The following C1QTNF4 variants were observed in gnomAD, a reference collection of about 807,000 sequenced individuals.
C1QTNF4 encodes C1q and TNF related 4.
A neutral mutation model predicts 14.6 loss-of-function variants in C1QTNF4; 12 were observed. That is an observed-to-expected ratio of 0.82 (90% CI 0.53 to 1.33). The LOEUF is 1.33. Among genes scored for constraint, C1QTNF4 ranks in the 40% most tolerant of loss-of-function variants. The pLI is 0.00. For synonymous variants in C1QTNF4, 278 were observed against 246.6 expected, an observed-to-expected ratio of 1.13 and a Z score of -1.19; for missense variants, 558 against 500.3, an observed-to-expected ratio of 1.12 and a Z score of -1.10.
chr11:47,589,728 G>T lies in C1QTNF4; in HGVS notation c.*93C>A. On this transcript the variant is annotated 3_prime_UTR_variant, in exon 2 of 2. Coordinates refer to ENST00000302514, the MANE Select transcript of C1QTNF4 (RefSeq NM_031909.3). ...TTATTGGCAGAGTCCAGGCGCGCCC[G>T]GAGGCCGTGGCGCTCGCGCGGGACT... The T allele has an allele frequency of 8.0e-7, 1 of 1,249,174 alleles. No individual in the cohort carries two copies. Among genetic ancestry groups the T allele is most frequent in the Non-Finnish European group, 1.1e-6 (1 of 938,726 alleles). The allele number at this position is 1,249,174 out of a possible 1,614,324, so 77.4% of individuals were successfully genotyped here. A position where few individuals can be genotyped will look rare whatever the true frequency, so the allele number is the denominator to read the frequency against.
chr11:47,589,690 C>A lies in C1QTNF4; in HGVS notation c.*131G>T, dbSNP rs2097274086. ...CCTGGGCTGCCGGGCGCTGCGCGTG[C>A]CCGCTTTCCGCTTTATTGGCAGAGT... is the stretch of plus-strand genomic sequence containing the variant. On this transcript the variant is annotated 3_prime_UTR_variant, in exon 2 of 2. Coordinates refer to ENST00000302514, the MANE Select transcript of C1QTNF4 (RefSeq NM_031909.3). The A allele has an allele frequency of 4.2e-5, 38 of 903,798 alleles. 1 individual carries two copies. In the South Asian group the frequency reaches 7.5e-4, roughly 18 times the overall value. 56.0% of individuals were successfully genotyped at this position (903,798 alleles called of 1,614,324 possible). A position where few individuals can be genotyped will look rare whatever the true frequency, so the allele number is the denominator to read the frequency against.
chr11:47,590,963 A>C, intron 1 of C1QTNF4, 148 bp from the exon 2 acceptor site: 88 of 1,317,066 alleles, frequency 6.7e-5, no homozygotes, highest in Non-Finnish European at 7.7e-5. Context: ...TTGGATTCTC[A>C]AACTCTAGCG....
chr11:47,591,110 G>A (rs988173512), intron 1 of C1QTNF4, among the ~76,000 whole-genome samples: 3 of 152,148 alleles, frequency 2.0e-5, no homozygotes, highest in African/African-American at 7.2e-5. Flanking sequence ...ATGGAGTCTC[G>A]CTCTGTGAAC....
At chr11:47,590,870 C>A (rs2097275243) in intron 1 of C1QTNF4, 55 bp from the exon 2 acceptor site, 2 of 1,432,656 alleles carry the variant, frequency 1.4e-6, no homozygotes, top group Admixed American at 5.8e-5. Flanking sequence ...GGCTTCCAAA[C>A]GCCCGGCTCT....
chr11:47,591,793 G>C (rs917197619), intron 1 of C1QTNF4, among the ~76,000 whole-genome samples: 2 of 152,228 alleles, frequency 1.3e-5, no homozygotes. Context: ...CCTCCCATTT[G>C]ACACTCAGGG....
upstream of C1QTNF4, among the ~76,000 whole-genome samples, chr11:47,594,813 T>C (rs895065137): frequency 1.3e-5 from 2 of 152,024 alleles, no homozygotes; most frequent in Non-Finnish European, 2.9e-5. Context: ...AATGGGTCAA[T>C]GTTGCCAGTA....
chr11:47,595,213 G>A (rs71475925), upstream of C1QTNF4, among the ~76,000 whole-genome samples: 821 of 152,330 alleles, frequency 5.4e-3, 6 homozygotes, highest in Non-Finnish European at 8.3e-3. Flanking sequence ...CCCGTGGGAT[G>A]GGGGCTCAGA....
rs1211494400 is a variant in C1QTNF4, at chr11:47,589,779, T to G, written c.*42A>C. On this transcript the variant is annotated 3_prime_UTR_variant, in exon 2 of 2. Coordinates refer to ENST00000302514, the MANE Select transcript of C1QTNF4 (RefSeq NM_031909.3). Reference sequence around the variant, plus strand: ...TTCGAGCCTCCGGCCCGGCCTGGCATGCACGCCCCTGGCCCTCCCGGGCTC... The same window carrying G: ...TTCGAGCCTCCGGCCCGGCCTGGCAGGCACGCCCCTGGCCCTCCCGGGCTC... The G allele has an allele frequency of 6.9e-7, 1 of 1,445,286 alleles. No homozygotes were observed. Among genetic ancestry groups the G allele is most frequent in the Non-Finnish European group, 9.1e-7 (1 of 1,097,004 alleles). The allele number at this position is 1,445,286 out of a possible 1,614,324, so 89.5% of individuals were successfully genotyped here.
chr11:47,589,893 G>A lies in C1QTNF4; in HGVS notation c.918C>T (p.Phe306=). The change falls in exon 2 of 2, where the codon TTC becomes TTT. Residue 306 remains phenylalanine, a synonymous_variant. Transcript: ENST00000302514. The part of the protein sequence containing the change: ...AYSNHGKYIT[F]SGFLVYPDLA... The stretch of plus-strand genomic sequence containing the variant: ...GGTCGGGGTACACCAGGAAGCCGGA[G>A]AAGGTGATGTACTTGCCGTGGTTGC... 6.4e-7 allele frequency: 1 copy of A among 1,574,088 alleles called. No individual in the cohort carries two copies. The highest frequency in any genetic ancestry group is 8.6e-7 in the Non-Finnish European group (1 of 1,159,518).
rs2097274564 is a variant in C1QTNF4, at chr11:47,590,264, G to T, written c.547C>A (p.Arg183Ser). The T allele has an allele frequency of 4.3e-6, 6 of 1,383,820 alleles. No homozygotes were observed. Among genetic ancestry groups the T allele is most frequent in the Admixed American group, 3.6e-5 (1 of 27,758 alleles). The allele number at this position is 1,383,820 out of a possible 1,614,324, so 85.7% of individuals were successfully genotyped here. A position where few individuals can be genotyped will look rare whatever the true frequency, so the allele number is the denominator to read the frequency against. ...TCCGAGCCCACCAAGCTGCGCGTGC[G>T]CGCCGCCGAGAAGGCCGAGCGCGGC... ...PEPRSAFSAARTRSLVGSDAG... is the reference protein window; with the variant it reads ...PEPRSAFSAASTRSLVGSDAG... The change falls in exon 2 of 2, where the codon CGC (arginine) becomes AGC (serine). Residue 183 changes from arginine (R) to serine (S), a missense_variant. Transcript: ENST00000302514.
In C1QTNF4 at chr11:47,590,239, T is replaced by A. The variant is rs201749016; in HGVS notation, c.572A>T (p.Asp191Val). The A allele has an allele frequency of 7.8e-5, 117 of 1,501,536 alleles. No homozygotes were observed. The highest frequency in any genetic ancestry group is 9.7e-5 in the Non-Finnish European group (110 of 1,134,010). The allele number at this position is 1,501,536 out of a possible 1,614,324, so 93.0% of individuals were successfully genotyped here. Reference protein sequence around the residue: ...AARTRSLVGSDAGPGPRHQPL... With the variant: ...AARTRSLVGSVAGPGPRHQPL... ...TTGGTGCCGCGGCCCGGGGCCAGCG[T>A]CCGAGCCCACCAAGCTGCGCGTGCG... is the stretch of plus-strand genomic sequence containing the variant. Residue 191 changes from aspartate to valine, a missense_variant, in exon 2 of 2, where the codon GAC (aspartate) becomes GTC (valine). Transcript: ENST00000302514.
At chr11:47,591,578 C>T (rs2097275692) in intron 1 of C1QTNF4, among the ~76,000 whole-genome samples, 1 of 151,550 alleles carries the variant, frequency 6.6e-6, no homozygotes, top group African/African-American at 2.4e-5. Flanking sequence ...TTAGTAGAGA[C>T]AGGGTTTCAC....
upstream of C1QTNF4, among the ~76,000 whole-genome samples, chr11:47,594,951 G>C (rs2097277439): frequency 6.6e-6 from 1 of 152,174 alleles, no homozygotes; most frequent in Non-Finnish European, 1.5e-5. Context: ...TCCCCGGGGT[G>C]AGGGGCAGTA....
chr11:47,590,634 G>T lies in C1QTNF4; in HGVS notation c.177C>A (p.Gly59=), dbSNP rs750358585. The change falls in exon 2 of 2, where the codon GGC becomes GGA. Residue 59 remains glycine (G), a synonymous_variant. Transcript: ENST00000302514. ...TFDKVYVNIG[G]DFDVATGQFR... ...ACTGGCCGGTGGCCACATCGAAGTC[G>T]CCCCCGATGTTCACGTACACCTTGT... The T allele has an allele frequency of 9.3e-6, 15 of 1,611,156 alleles. No individual in the cohort carries two copies. Among genetic ancestry groups the T allele is most frequent in the Non-Finnish European group, 1.2e-5 (14 of 1,179,296 alleles).
Position 47,590,341 on chromosome 11 carries a change from T to C in C1QTNF4, c.470A>G (p.Tyr157Cys). The stretch of plus-strand genomic sequence containing the variant: ...AGGCGCGTCAGCGTCGGCGTCGGCG[T>C]AGACTAGGTAGCCGCTGAAGGTGGC... Reference protein sequence around the residue: ...PGATFSGYLVYADADADAPAR... With the variant: ...PGATFSGYLVCADADADAPAR... Residue 157 changes from tyrosine (Y) to cysteine (C), a missense_variant, in exon 2 of 2, where the codon TAC (tyrosine) becomes TGC (cysteine). Transcript: ENST00000302514. The C allele has an allele frequency of 1.5e-6, 2 of 1,342,174 alleles. No homozygotes were observed. Among genetic ancestry groups the C allele is most frequent in the Non-Finnish European group, 1.9e-6 (2 of 1,053,330 alleles). 83.1% of individuals were successfully genotyped at this position (1,342,174 alleles called of 1,614,324 possible). A position where few individuals can be genotyped will look rare whatever the true frequency, so the allele number is the denominator to read the frequency against.
intron 1 of C1QTNF4, among the ~76,000 whole-genome samples, chr11:47,591,901 A>T (rs2153796143): frequency 6.6e-6 from 1 of 152,080 alleles, no homozygotes; most frequent in East Asian, 1.9e-4. Context: ...TTGGTCTGCC[A>T]CTCACGCAGG....
chr11:47,590,302 G>GGCGGCCCGCGC lies in C1QTNF4; in HGVS notation c.498_508dup (p.Pro170ArgfsTer82). On this transcript the variant is annotated frameshift_variant, in exon 2 of 2. Transcript: ENST00000302514. LOFTEE classifies it high-confidence loss of function. ...GGCCGAGCGCGGCTCGGGGGGCGCG[G>GGCGGCCCGCGC]GCGGCCCGCGCGCAGGCGCGTCAGC... is the stretch of plus-strand genomic sequence containing the variant. 1 of 1,169,962 alleles carries GGCGGCCCGCGC rather than the reference G, an allele frequency of 8.5e-7. No individual in the cohort carries two copies. The allele number at this position is 1,169,962 out of a possible 1,614,324, so 72.5% of individuals were successfully genotyped here. A position where few individuals can be genotyped will look rare whatever the true frequency, so the allele number is the denominator to read the frequency against.
At position 47,590,453 on chromosome 11, in the gene C1QTNF4, G is replaced by A; in HGVS notation, c.358C>T (p.Gln120Ter). The A allele has an allele frequency of 6.6e-7, 1 of 1,517,560 alleles. No individual in the cohort carries two copies. The highest frequency in any genetic ancestry group is 2.5e-5 in the East Asian group (1 of 40,448). The allele number at this position is 1,517,560 out of a possible 1,614,324, so 94.0% of individuals were successfully genotyped here. The change falls in exon 2 of 2, where the codon CAG becomes TAG. Residue 120 changes from glutamine to a stop codon, truncating the protein, a stop_gained. Transcript: ENST00000302514. LOFTEE classifies it high-confidence loss of function. ...TAGTCGAGCTGCAGCATGGCGCTCT[G>A]GCTGGCTGCGCGCCGCGCGCCTGGC... ...RRPGARRAAS[Q>*]SAMLQLDYGD...
rs1174922942 is a variant in C1QTNF4, at chr11:47,590,665, G to T, written c.146C>A (p.Thr49Asn). ...GATGTTCACGTACACCTTGTCGAAGGTCACCGCCATCTCCGACGTGCCCTC... is the reference window on the plus strand; with the variant it reads ...GATGTTCACGTACACCTTGTCGAAGTTCACCGCCATCTCCGACGTGCCCTC... ...PLEGTSEMAV[T>N]FDKVYVNIGG... is the part of the protein sequence containing the mutation. The change falls in exon 2 of 2, where the codon ACC (threonine) becomes AAC (asparagine). Residue 49 changes from threonine to asparagine, a missense_variant. Transcript: ENST00000302514. 5 of 1,611,652 alleles carry T rather than the reference G, an allele frequency of 3.1e-6. No individual in the cohort carries two copies. The highest frequency in any genetic ancestry group is 1.3e-5 in the African/African-American group (1 of 74,942).
Sources: gnomAD v4.1 joint callset for allele counts (sites outside exome capture counted in the v4.1 genomes callset) on GRCh38, gnomAD v4.1.1 for gene constraint, MANE v1.5 for transcripts, NCBI Gene and HGNC (gene_info 2026-07-23, HGNC 2026-07-21) for gene names.